HGSNAT: variants seen among roughly 807,000 people sequenced by gnomAD.
HGSNAT encodes the protein heparan-alpha-glucosaminide N-acetyltransferase.
In HGSNAT, 59 loss-of-function variants were observed where a neutral mutation model predicts 85.2. The observed-to-expected ratio is 0.69, with a 90% CI of 0.56 to 0.86. HGSNAT has a LOEUF of 0.86. HGSNAT is among the 40% of genes least tolerant of loss of function. The probability of loss-of-function intolerance (pLI) is 0.00; values close to 1 mark genes in which losing one functional copy is unlikely to be tolerated. For missense variants in HGSNAT, 756 were observed against 777.1 expected (o/e 0.97, Z 0.32); for synonymous variants, 321 against 304.5 (o/e 1.05, Z -0.56).
At chr8:43,158,786 C>A in intron 3 of HGSNAT, 75 bp downstream of exon 3, 1 of 1,518,690 alleles carries the variant, frequency 6.6e-7, no homozygotes, top group Non-Finnish European at 8.8e-7. Context: ...AGCTTTTTTT[C>A]TCTTTACAGT....
chr8:43,187,262 A>G (rs1485741503), intron 11 of HGSNAT, among the ~76,000 whole-genome samples: 1 of 152,128 alleles, frequency 6.6e-6, no homozygotes, highest in African/African-American at 2.4e-5. Flanking sequence ...TCCCATTATT[A>G]TCATGTGGGA....
intron 6 of HGSNAT, 77 bp downstream of exon 6, chr8:43,169,319 A>G: frequency 1.0e-6 from 1 of 959,896 alleles, no homozygotes; most frequent in Non-Finnish European, 1.6e-6. Context: ...TTTAATCATT[A>G]TTGTCCAGTT....
chr8:43,140,575 G>T lies in HGSNAT; in HGVS notation c.79G>T (p.Gly27Cys). The change falls in exon 1 of 18, where the codon GGC becomes TGC. Residue 27 changes from glycine to cysteine, a missense_variant. Coordinates refer to ENST00000379644, the MANE Select transcript of HGSNAT (RefSeq NM_152419.3). Reference sequence around the variant, plus strand: ...GAGCGCCGCGCTGCTGGCCCCCGGCGGCTCTTCGGGGCGCGATGCCCAGGC... The same window carrying T: ...GAGCGCCGCGCTGCTGGCCCCCGGCTGCTCTTCGGGGCGCGATGCCCAGGC... ...VLSAALLAPG[G>C]SSGRDAQAAP... 1 of 1,228,338 alleles carries T rather than the reference G, an allele frequency of 8.1e-7. No individual in the cohort carries two copies. The highest frequency in any genetic ancestry group is 2.5e-5 in the South Asian group (1 of 40,568). 76.1% of individuals were successfully genotyped at this position (1,228,338 alleles called of 1,614,324 possible).
At chr8:43,195,655 T>TGGAGGAGGAGGAGGGAGTAGA (rs144111342) in intron 14 of HGSNAT, among the ~76,000 whole-genome samples, 55,069 of 67,324 alleles carry the variant, frequency 0.82, 22,273 homozygotes, top group Non-Finnish European at 0.89. Flanking sequence ...GAGGAGGGGC[T>TGGAGGAGGAGGAGGGAGTAGA]GGAGGAGGAG....
At chr8:43,185,076 C>G (rs972025662) in intron 11 of HGSNAT, among the ~76,000 whole-genome samples, 4 of 152,170 alleles carry the variant, frequency 2.6e-5, no homozygotes, top group Non-Finnish European at 2.9e-5. Flanking sequence ...GGCATGATAC[C>G]TCCAGCTTTG....
At chr8:43,165,626 G>A (rs1803409394) in intron 5 of HGSNAT, among the ~76,000 whole-genome samples, 1 of 152,164 alleles carries the variant, frequency 6.6e-6, no homozygotes, top group Non-Finnish European at 1.5e-5. Flanking sequence ...CTACTCCAGG[G>A]AAGACACAAA....
In HGSNAT at chr8:43,140,543, CCGTG is replaced by C. The variant is rs1802480126; in HGVS notation, c.49_52del (p.Val17Ter). The stretch of plus-strand genomic sequence containing the variant: ...CTGGCCGCGCTGCTGCTGGCCGCGT[CCGTG>C]CTGAGCGCCGCGCTGCTGGCCCCCG... On this transcript the variant is annotated frameshift_variant, in exon 1 of 18. Transcript: ENST00000379644. LOFTEE classifies it high-confidence loss of function. The C allele has an allele frequency of 8.6e-7, 1 of 1,162,120 alleles. No individual in the cohort carries two copies. The highest frequency in any genetic ancestry group is 1.6e-5 in the African/African-American group (1 of 61,084). The allele number at this position is 1,162,120 out of a possible 1,614,324, so 72.0% of individuals were successfully genotyped here.
chr8:43,186,161 T>C (rs1804301380), intron 11 of HGSNAT, among the ~76,000 whole-genome samples: 1 of 152,166 alleles, frequency 6.6e-6, no homozygotes, highest in Non-Finnish European at 1.5e-5. Flanking sequence ...ATAAAATGAG[T>C]TAGGGTTGAT....
intron 8 of HGSNAT, 123 bp from the exon 9 acceptor site, chr8:43,173,590 C>T: frequency 9.7e-7 from 1 of 1,032,502 alleles, no homozygotes; most frequent in Non-Finnish European, 1.5e-6. Flanking sequence ...GGATTACGGG[C>T]ATGAGTCACT....
chr8:43,160,813 C>T (rs912728763), intron 4 of HGSNAT, among the ~76,000 whole-genome samples: 2 of 152,198 alleles, frequency 1.3e-5, no homozygotes, highest in Admixed American at 1.3e-4. Flanking sequence ...TCTCCTTTGT[C>T]TCCTCCAGTC....
intron 5 of HGSNAT, among the ~76,000 whole-genome samples, chr8:43,168,280 T>G (rs1257136465): frequency 6.6e-6 from 1 of 151,836 alleles, no homozygotes; most frequent in Non-Finnish European, 1.5e-5. Flanking sequence ...ACTATTTGAA[T>G]CACCCCAAAG....
At chr8:43,192,542 A>G (rs1804576104) in intron 13 of HGSNAT, 112 bp downstream of exon 13, 2 of 1,162,586 alleles carry the variant, frequency 1.7e-6, no homozygotes, top group South Asian at 1.7e-5. Context: ...ACACACTGAG[A>G]ACTGATGATT....
chr8:43,183,006 A>G (rs985534119), intron 11 of HGSNAT, among the ~76,000 whole-genome samples: 5 of 152,194 alleles, frequency 3.3e-5, no homozygotes, highest in Non-Finnish European at 7.3e-5. Context: ...TAATACTTGT[A>G]CATATTTATG....
intron 17 of HGSNAT, among the ~76,000 whole-genome samples, chr8:43,199,181 G>T (rs564053848): frequency 6.6e-6 from 1 of 152,318 alleles, no homozygotes; most frequent in South Asian, 2.1e-4. Flanking sequence ...GATTATAGTC[G>T]TGAGCCACTA....
intron 11 of HGSNAT, among the ~76,000 whole-genome samples, chr8:43,189,477 A>C (rs923729234): frequency 6.6e-6 from 1 of 152,090 alleles, no homozygotes; most frequent in Non-Finnish European, 1.5e-5. Flanking sequence ...TGTTAAGACC[A>C]TTGGAAAAGT....
At chr8:43,192,633 G>GA (rs1342392215) in intron 13 of HGSNAT, among the ~76,000 whole-genome samples, 1 of 152,100 alleles carries the variant, frequency 6.6e-6, no homozygotes, top group Non-Finnish European at 1.5e-5. Context: ...TTTAAAGTGA[G>GA]AATGTGGAGC....
intron 12 of HGSNAT, 70 bp from the exon 13 acceptor site, chr8:43,192,234 T>A (rs1804558998): frequency 6.5e-7 from 1 of 1,530,142 alleles, no homozygotes; most frequent in Non-Finnish European, 8.8e-7. Flanking sequence ...GGCCTGAGGT[T>A]TTTTTATTCT....
At chr8:43,179,189 C>T (rs1471421475) in intron 10 of HGSNAT, among the ~76,000 whole-genome samples, 3 of 150,370 alleles carry the variant, frequency 2.0e-5, no homozygotes, top group African/African-American at 2.5e-5. Context: ...TAGGGGCGGC[C>T]GGGCAGAAGC....
chr8:43,150,121 A>G lies in HGSNAT; in HGVS notation c.234+3058A>G, dbSNP rs184041578. Among the ~76,000 whole-genome samples, 402 of 151,662 alleles carry G rather than the reference A, an allele frequency of 2.7e-3. 2 individuals are homozygous for G. The highest frequency in any genetic ancestry group is 7.0e-3 in the Admixed American group (107 of 15,242). On this transcript the variant is annotated intron_variant, in intron 2 of 17. Transcript: ENST00000379644. ...ACAGGCGCCCGCCACCGCACCCAGT[A>G]ATTTTGTATTTTTAGTAGAGACAGG...
Sources: gnomAD v4.1 joint callset for allele counts (sites outside exome capture counted in the v4.1 genomes callset) on GRCh38, gnomAD v4.1.1 for gene constraint, MANE v1.5 for transcripts, NCBI Gene and HGNC (gene_info 2026-07-23, HGNC 2026-07-21) for gene names.